Variants in MLXIPL observed in about 807,000 individuals in gnomAD.
The protein encoded by MLXIPL is carbohydrate-responsive element-binding protein.
In MLXIPL, 49 loss-of-function variants were observed where a neutral mutation model predicts 81.5. That is an observed-to-expected ratio of 0.60 (90% confidence interval 0.48 to 0.76). The LOEUF (loss-of-function observed/expected upper bound fraction) is 0.76. Ranked by LOEUF, MLXIPL falls within the 30% of genes least tolerant of loss-of-function variation. MLXIPL has a pLI of 0.00. For missense variants in MLXIPL, 1,053 were observed against 1,167.0 expected, an observed-to-expected ratio of 0.90 and a Z score of 1.42; for synonymous variants, 466 against 485.5, an observed-to-expected ratio of 0.96 and a Z score of 0.53.
Position 73,615,985 on chromosome 7 carries a change from T to A in MLXIPL, c.400+86A>T, listed in dbSNP as rs559239847. On this transcript the variant is annotated intron_variant, in intron 2 of 16. Transcript: ENST00000313375. ...GCCTTGAGGACCCCGGGGATTTTCC[T>A]GGGCAGCCACCATGTAGAACCCTCT... The A allele has an allele frequency of 2.5e-5, 27 of 1,094,790 alleles. 1 individual carries two copies. The highest frequency in any genetic ancestry group is 3.6e-5 in the Non-Finnish European group (26 of 716,746). The allele number at this position is 1,094,790 out of a possible 1,614,324, so 67.8% of individuals were successfully genotyped here.
chr7:73,618,303 GC>G (rs1204661399), intron 1 of MLXIPL, among the ~76,000 whole-genome samples: 10 of 152,156 alleles, frequency 6.6e-5, no homozygotes, highest in African/African-American at 1.9e-4. Context: ...CATCATGTTG[GC>G]CAGGCTGGTC....
At chr7:73,614,209 C>T (rs1479432876) in intron 2 of MLXIPL, among the ~76,000 whole-genome samples, 1 of 152,068 alleles carries the variant, frequency 6.6e-6, no homozygotes, top group Non-Finnish European at 1.5e-5. Context: ...ATGAGCGAAA[C>T]TTCGTATTAA....
upstream of MLXIPL, among the ~76,000 whole-genome samples, chr7:73,627,042 C>G (rs1490584429): frequency 1.3e-5 from 2 of 152,134 alleles, no homozygotes; most frequent in Non-Finnish European, 2.9e-5. Context: ...CTCCCTTGGC[C>G]GGGTATCTTC....
chr7:73,610,055 CAT>C (rs1171221014), intron 2 of MLXIPL: 1 of 152,672 alleles, frequency 6.5e-6, no homozygotes, highest in African/African-American at 2.4e-5. Flanking sequence ...GCTCTAGCCT[CAT>C]ATCCAGCTGC....
rs782420778 is a variant in MLXIPL at position 73,624,275 on chromosome 7, C to T, written c.218G>A (p.Gly73Glu). The T allele has an allele frequency of 6.3e-7, 1 of 1,589,940 alleles. No individual in the cohort carries two copies. Among genetic ancestry groups the T allele is most frequent in the African/African-American group, 1.3e-5 (1 of 74,586 alleles). The change falls in exon 1 of 17, where the codon GGG becomes GAG. Residue 73 changes from glycine to glutamate, a missense_variant. Transcript: ENST00000313375. ...ACTGCGCGGCCCGAAGTCGGAGGGC[C>T]CCACGGACCCCTCCTGGTCGCGCCG... The part of the protein sequence containing the change: ...PRRRDQEGSV[G>E]PSDFGPRSID...
chr7:73,641,208 G>A, the MLXIPL span, among the ~76,000 whole-genome samples: 1 of 152,108 alleles, frequency 6.6e-6, no homozygotes, highest in Non-Finnish European at 1.5e-5. Context: ...CAGGAGGATT[G>A]CTTGAGCTGG....
the MLXIPL span, among the ~76,000 whole-genome samples, chr7:73,632,551 G>A: frequency 6.6e-6 from 1 of 152,088 alleles, no homozygotes; most frequent in Non-Finnish European, 1.5e-5. Flanking sequence ...CATCTTCACT[G>A]ATGTCCTAGT....
chr7:73,632,771 C>G, the MLXIPL span, among the ~76,000 whole-genome samples: 2 of 89,382 alleles, frequency 2.2e-5, no homozygotes, highest in East Asian at 5.7e-4. Flanking sequence ...TCCTTCCTTC[C>G]TTCCTTCCTT....
upstream of MLXIPL, among the ~76,000 whole-genome samples, chr7:73,627,959 G>A (rs1796778894): frequency 6.6e-6 from 1 of 151,086 alleles, no homozygotes; most frequent in South Asian, 2.1e-4. Context: ...TAAAATTGAG[G>A]GCCAAACTCA....
chr7:73,633,668 G>T, the MLXIPL span, among the ~76,000 whole-genome samples: 1 of 151,846 alleles, frequency 6.6e-6, no homozygotes, highest in African/African-American at 2.4e-5. Context: ...TGCCTAAACT[G>T]GTTCCGAACT....
rs188133935 is a variant in MLXIPL at position 73,593,630 on chromosome 7, C to T, written c.*235G>A. 38 of 519,830 alleles carry T rather than the reference C, an allele frequency of 7.3e-5. No individual in the cohort carries two copies. The highest frequency in any genetic ancestry group is 6.0e-4 in the Admixed American group (19 of 31,624). The allele number at this position is 519,830 out of a possible 1,614,324, so 32.2% of individuals were successfully genotyped here. On this transcript the variant is annotated 3_prime_UTR_variant, in exon 17 of 17. Transcript: ENST00000313375. Reference sequence around the variant, plus strand: ...AACACAGCGGTCCAAAGACAGCGGACGAGTCACCCAAGGTCACGGTGCTGG... The same window carrying T: ...AACACAGCGGTCCAAAGACAGCGGATGAGTCACCCAAGGTCACGGTGCTGG...
At chr7:73,621,568 G>C (rs894178379) in intron 1 of MLXIPL, among the ~76,000 whole-genome samples, 1 of 151,966 alleles carries the variant, frequency 6.6e-6, no homozygotes, top group African/African-American at 2.4e-5. Context: ...TGGAACTGGG[G>C]GTCTTTGAGG....
intron 3 of MLXIPL, 55 bp from the exon 4 acceptor site, chr7:73,607,475 A>T: frequency 1.3e-6 from 2 of 1,515,210 alleles, no homozygotes; most frequent in Non-Finnish European, 1.8e-6. Flanking sequence ...CCGCACACCC[A>T]TCTCCCACCC....
chr7:73,618,956 A>G (rs1044889959), intron 1 of MLXIPL, among the ~76,000 whole-genome samples: 3 of 152,188 alleles, frequency 2.0e-5, no homozygotes, highest in Admixed American at 2.0e-4. Flanking sequence ...ATCCAAGCCC[A>G]GGAGGAAGAA....
At chr7:73,605,616 TG>T in intron 7 of MLXIPL, 71 bp downstream of exon 7, 1 of 1,423,250 alleles carries the variant, frequency 7.0e-7, no homozygotes, top group Non-Finnish European at 9.9e-7. Context: ...CAGAGGGGCC[TG>T]GGATGGGCTC....
the MLXIPL span, among the ~76,000 whole-genome samples, chr7:73,647,023 G>A: frequency 2.0e-5 from 3 of 152,194 alleles, no homozygotes; most frequent in Admixed American, 2.0e-4. Context: ...CCCAGGAACA[G>A]TAAACCTTCC....
At chr7:73,594,213 G>C (rs534080800) in intron 16 of MLXIPL, 61 bp downstream of exon 16, 2 of 1,604,682 alleles carry the variant, frequency 1.2e-6, no homozygotes, top group East Asian at 2.2e-5. Flanking sequence ...AAGCAGGGTG[G>C]AATGCTCCCT....
chr7:73,625,797 TA>T (rs1796709295), upstream of MLXIPL, among the ~76,000 whole-genome samples: 1 of 151,844 alleles, frequency 6.6e-6, no homozygotes, highest in African/African-American at 2.4e-5. Context: ...AAATATATAT[TA>T]AAAAAATTGT....
chr7:73,600,694 G>A (rs1291135930), intron 7 of MLXIPL, among the ~76,000 whole-genome samples: 38 of 105,780 alleles, frequency 3.6e-4, no homozygotes, highest in South Asian at 7.3e-4. Flanking sequence ...GGGTGGGGGC[G>A]AGAGGGGCCC....
Sources: gnomAD v4.1 joint callset for allele counts (sites outside exome capture counted in the v4.1 genomes callset) on GRCh38, gnomAD v4.1.1 for gene constraint, MANE v1.5 for transcripts, NCBI Gene and HGNC (gene_info 2026-07-23, HGNC 2026-07-21) for gene names.